ZHX3: variants seen among roughly 807,000 people sequenced by gnomAD.
ZHX3 encodes the protein zinc fingers and homeoboxes 3.
ZHX3 carries 20 observed loss-of-function variants against 64.5 expected under a neutral mutation model. That is an observed-to-expected ratio of 0.31 (90% CI 0.22 to 0.45). The LOEUF is 0.45. Among genes scored for constraint, ZHX3 ranks in the 20% least tolerant of loss-of-function variants. The pLI is 1.00. For missense variants in ZHX3, 1,041 were observed against 1,195.8 expected, an observed-to-expected ratio of 0.87 and a Z score of 1.91; for synonymous variants, 423 against 461.6, an observed-to-expected ratio of 0.92 and a Z score of 1.07.
chr20:41,251,377 A>G (rs896330263), intron 2 of ZHX3, among the ~76,000 whole-genome samples: 2 of 152,232 alleles, frequency 1.3e-5, no homozygotes, highest in Admixed American at 1.3e-4. Flanking sequence ...TGATCATAGT[A>G]GACTACAGTA....
intron 1 of ZHX3, among the ~76,000 whole-genome samples, chr20:41,302,040 C>T (rs1317704125): frequency 2.5e-5 from 3 of 121,186 alleles, no homozygotes; most frequent in Admixed American, 1.0e-4. Flanking sequence ...GGCGACGGAG[C>T]GAGACTCCAT....
At chr20:41,190,609 A>C (rs2036935055) in intron 3 of ZHX3, among the ~76,000 whole-genome samples, 2 of 151,928 alleles carry the variant, frequency 1.3e-5, no homozygotes, top group Non-Finnish European at 2.9e-5. Context: ...TCTTTTCCTC[A>C]TCTGTGTGTT....
At chr20:41,285,784 C>T (rs1338937000) in intron 1 of ZHX3, among the ~76,000 whole-genome samples, 1 of 152,152 alleles carries the variant, frequency 6.6e-6, no homozygotes, top group African/African-American at 2.4e-5. Context: ...CTAGTGTTAT[C>T]ACAGAGTTAC....
intron 2 of ZHX3, among the ~76,000 whole-genome samples, chr20:41,205,515 T>C (rs1449752662): frequency 8.8e-6 from 1 of 114,246 alleles, no homozygotes; most frequent in Non-Finnish European, 1.6e-5. Context: ...CCTCTGTCTG[T>C]CCCAAGCCAG....
In ZHX3 at chr20:41,203,615, A is replaced by G. The variant is rs756686211; in HGVS notation, c.1302T>C (p.Asn434=). ...GLLVTQPLMA[N]GLQATSSPLP... ...GAGGGGAACTTGTTGCTTGCAACCC[A>G]TTGGCCATCAATGGCTGAGTGACCA... The change falls in exon 3 of 4, where the codon AAT becomes AAC. Residue 434 remains asparagine, a synonymous_variant. Transcript: ENST00000683867. The surrounding 1 kb of genome is among the most constrained non-coding windows in gnomAD (Gnocchi z 7.1). The G allele has an allele frequency of 1.2e-6, 2 of 1,614,204 alleles. No homozygotes were observed. The highest frequency in any genetic ancestry group is 1.1e-5 in the South Asian group (1 of 91,090).
At chr20:41,284,240 T>C (rs1472845211) in intron 1 of ZHX3, among the ~76,000 whole-genome samples, 1 of 152,184 alleles carries the variant, frequency 6.6e-6, no homozygotes, top group Non-Finnish European at 1.5e-5. Flanking sequence ...CCAAGCAGCA[T>C]GCTATCCTAG....
chr20:41,300,732 T>C (rs1175355043), intron 1 of ZHX3, among the ~76,000 whole-genome samples: 2 of 152,136 alleles, frequency 1.3e-5, no homozygotes, highest in Non-Finnish European at 2.9e-5. Flanking sequence ...ATAGGGTTTA[T>C]TCTATGCAGA....
rs192761824 is a variant in ZHX3 at position 41,225,533 on chromosome 20, G to A, written c.-150-20467C>T. Among the ~76,000 whole-genome samples, 3 of 152,256 alleles carry A rather than the reference G, an allele frequency of 2.0e-5. No individual in the cohort carries two copies. In the East Asian group the frequency reaches 5.8e-4, roughly 29 times the overall value. ...ATGGAGTCTCACTCTTGTCGCTCAG[G>A]TTGGAGTACAGTGGCGTGATCTTGA... On this transcript the variant is annotated intron_variant, in intron 2 of 3. Coordinates refer to ENST00000683867, the MANE Select transcript of ZHX3 (RefSeq NM_001384317.1).
intron 2 of ZHX3, 23 bp from the exon 3 acceptor site, chr20:41,205,089 G>A (rs1184455030): frequency 1.3e-5 from 15 of 1,150,276 alleles, no homozygotes; most frequent in Non-Finnish European, 1.2e-5. Context: ...AGAAAAAAAT[G>A]ATTAAGTTCT....
chr20:41,237,087 G>A (rs2041052528), intron 2 of ZHX3, among the ~76,000 whole-genome samples: 1 of 152,160 alleles, frequency 6.6e-6, no homozygotes, highest in South Asian at 2.1e-4. Flanking sequence ...CAGTTAGAAT[G>A]GCAATCATTA....
chr20:41,203,920 C>T lies in ZHX3; in HGVS notation c.997G>A (p.Glu333Lys). The T allele has an allele frequency of 6.2e-7, 1 of 1,614,210 alleles. No individual in the cohort carries two copies. The highest frequency in any genetic ancestry group is 8.5e-7 in the Non-Finnish European group (1 of 1,180,040). ...FHKFPYPTKAELCYLTVVTKY... is the reference protein window; with the variant it reads ...FHKFPYPTKAKLCYLTVVTKY... ...GTCACCACAGTCAAATAGCAGAGCT[C>T]GGCTTTGGTGGGGTAGGGGAACTTG... Residue 333 changes from glutamate to lysine, a missense_variant, in exon 3 of 4, where the codon GAG (glutamate) becomes AAG (lysine). Glu to Lys is a moderately conservative substitution (Grantham distance 56, BLOSUM62 1). Coordinates refer to ENST00000683867, the MANE Select transcript of ZHX3 (RefSeq NM_001384317.1). This position sits in a 1 kb window ranked among gnomAD's most constrained non-coding sequence, Gnocchi z 7.1.
chr20:41,189,195 C>T (rs1042896832), intron 3 of ZHX3, among the ~76,000 whole-genome samples: 1 of 152,098 alleles, frequency 6.6e-6, no homozygotes, highest in African/African-American at 2.4e-5. Context: ...TTCCTTTGGT[C>T]TGTGGGTCTA....
rs1289070080 is a variant in ZHX3 at position 41,226,902 on chromosome 20, T to C, written c.-150-21836A>G. ...TCAGGGTCTAAGCCCCCTGGAACAA[T>C]AGAGGGCTATGGCTCTACCTTAGTC... On this transcript the variant is annotated intron_variant, in intron 2 of 3. Coordinates refer to ENST00000683867, the MANE Select transcript of ZHX3 (RefSeq NM_001384317.1). This position sits in a 1 kb window ranked among gnomAD's most constrained non-coding sequence, Gnocchi z 4.4. Among the ~76,000 whole-genome samples, 4 of 152,164 alleles carry C rather than the reference T, an allele frequency of 2.6e-5. No homozygotes were observed. Among genetic ancestry groups the C allele is most frequent in the Admixed American group, 6.5e-5 (1 of 15,276 alleles).
chr20:41,194,430 T>C (rs184478867), intron 3 of ZHX3, among the ~76,000 whole-genome samples: 1 of 152,298 alleles, frequency 6.6e-6, no homozygotes, highest in East Asian at 1.9e-4. Flanking sequence ...TCCCTCTTGC[T>C]CATGAGGTAT....
intron 2 of ZHX3, among the ~76,000 whole-genome samples, chr20:41,214,580 A>G (rs2039388427): frequency 6.6e-6 from 1 of 152,238 alleles, no homozygotes; most frequent in South Asian, 2.1e-4. Context: ...AAGTTGAAAG[A>G]GATTGACAGT....
chr20:41,273,256 T>G (rs1186828508), intron 1 of ZHX3, among the ~76,000 whole-genome samples: 1 of 152,092 alleles, frequency 6.6e-6, no homozygotes, highest in Non-Finnish European at 1.5e-5. Flanking sequence ...GTTAAGAGTT[T>G]TTCGTTTTGT....
At chr20:41,307,054 G>C (rs1021355598) in intron 1 of ZHX3, among the ~76,000 whole-genome samples, 7 of 152,230 alleles carry the variant, frequency 4.6e-5, no homozygotes, top group African/African-American at 1.7e-4. Context: ...ACCAGTGAGA[G>C]AGAATCCACT....
At chr20:41,291,386 T>C (rs944751868) in intron 1 of ZHX3, among the ~76,000 whole-genome samples, 1 of 152,212 alleles carries the variant, frequency 6.6e-6, no homozygotes, top group Non-Finnish European at 1.5e-5. Flanking sequence ...GCAGCATCTC[T>C]AAGAAGATGC....
In ZHX3 at chr20:41,195,715, G is replaced by GT. The variant is rs544384612; in HGVS notation, c.2860+6341dup. ...ACAGGCATAAGCCACTGCGCCCAGC[G>GT]TAAGTTCTCTTTTAATGTATGCATT... On this transcript the variant is annotated intron_variant, in intron 3 of 3. Coordinates refer to ENST00000683867, the MANE Select transcript of ZHX3 (RefSeq NM_001384317.1). The surrounding 1 kb of genome is among the most constrained non-coding windows in gnomAD (Gnocchi z 4.2). 3.3e-5 allele frequency among the ~76,000 whole-genome samples: 5 copies of GT among 152,120 alleles called. No homozygotes were observed. Among genetic ancestry groups the GT allele is most frequent in the Non-Finnish European group, 7.4e-5 (5 of 68,010 alleles).
Sources: gnomAD v4.1 joint callset for allele counts (sites outside exome capture counted in the v4.1 genomes callset) on GRCh38, gnomAD v4.1.1 for gene constraint, Gnocchi (gnomAD v3.1) non-coding constraint, MANE v1.5 for transcripts, NCBI Gene and HGNC (gene_info 2026-07-23, HGNC 2026-07-21) for gene names.